The following RSBN1L variants were observed in gnomAD, a reference collection of about 807,000 sequenced individuals.
RSBN1L encodes lysine-specific demethylase RSBN1L.
A neutral mutation model predicts 67.7 loss-of-function variants in RSBN1L; 30 were observed. That is an observed-to-expected ratio of 0.44 (90% CI 0.33 to 0.60). The LOEUF is 0.60. Among genes scored for constraint, RSBN1L ranks in the 20% least tolerant of loss-of-function variants. The pLI, the probability that RSBN1L is intolerant of heterozygous loss-of-function variation, is 0.02. For synonymous variants in RSBN1L, 433 were observed against 387.0 expected, an observed-to-expected ratio of 1.12 and a Z score of -1.39; for missense variants, 992 against 1,031.7, an observed-to-expected ratio of 0.96 and a Z score of 0.53.
intron 2 of RSBN1L, among the ~76,000 whole-genome samples, chr7:77,738,484 G>A (rs1045782267): frequency 6.6e-6 from 1 of 152,166 alleles, no homozygotes; most frequent in African/African-American, 2.4e-5. Context: ...CACAGTGGAG[G>A]TAAGTAATAA....
At chr7:77,727,788 A>G (rs1273904665) in intron 1 of RSBN1L, among the ~76,000 whole-genome samples, 1 of 152,104 alleles carries the variant, frequency 6.6e-6, no homozygotes, top group Non-Finnish European at 1.5e-5. Flanking sequence ...TTTATAACCT[A>G]GCTTCTTTCC....
At position 77,748,362 on chromosome 7, in the gene RSBN1L, C is replaced by T. The variant is rs1482901904; in HGVS notation, c.704-1062C>T. 2.0e-5 allele frequency among the ~76,000 whole-genome samples: 3 copies of T among 152,106 alleles called. No individual in the cohort carries two copies. The East Asian group carries it at 5.8e-4, about 29-fold the overall frequency. On this transcript the variant is annotated intron_variant, in intron 2 of 7. Coordinates refer to ENST00000334955, the MANE Select transcript of RSBN1L (RefSeq NM_198467.3). ...GAAAAAATGACTTGAGTAAATATGACTGGATTTGATATTTCAACATTCTGG... is the reference window on the plus strand; with the variant it reads ...GAAAAAATGACTTGAGTAAATATGATTGGATTTGATATTTCAACATTCTGG...
chr7:77,764,442 C>T (rs1791736257), intron 3 of RSBN1L, among the ~76,000 whole-genome samples: 1 of 152,114 alleles, frequency 6.6e-6, no homozygotes, highest in African/African-American at 2.4e-5. Flanking sequence ...TTGAATGCCA[C>T]CCATTTGCTA....
intron 2 of RSBN1L, among the ~76,000 whole-genome samples, chr7:77,742,179 AAAT>A (rs1257081014): frequency 8.1e-6 from 1 of 122,906 alleles, no homozygotes; most frequent in Admixed American, 8.2e-5. Context: ...AAAAAAAAAA[AAAT>A]ACACACACAC....
chr7:77,697,936 G>C (rs998961855), intron 1 of RSBN1L, among the ~76,000 whole-genome samples: 1 of 152,146 alleles, frequency 6.6e-6, no homozygotes, highest in Admixed American at 6.6e-5. Flanking sequence ...TGCAACATAC[G>C]GACTAGTTGA....
intron 4 of RSBN1L, among the ~76,000 whole-genome samples, chr7:77,766,987 C>T (rs1477575320): frequency 1.3e-5 from 2 of 151,928 alleles, no homozygotes; most frequent in African/African-American, 2.4e-5. Flanking sequence ...AGCACATGAA[C>T]TAAATGCATT....
chr7:77,741,501 T>C (rs1422146044), intron 2 of RSBN1L, among the ~76,000 whole-genome samples: 1 of 150,786 alleles, frequency 6.6e-6, no homozygotes, highest in Non-Finnish European at 1.5e-5. Context: ...ACCATCCTGG[T>C]TAATGTGGTG....
chr7:77,742,940 A>G (rs758618215), intron 2 of RSBN1L, among the ~76,000 whole-genome samples: 1 of 152,230 alleles, frequency 6.6e-6, no homozygotes, highest in Non-Finnish European at 1.5e-5. Flanking sequence ...AAGAGTTCCT[A>G]GATGCTAGCC....
chr7:77,776,204 T>C (rs1562811732), intron 6 of RSBN1L, among the ~76,000 whole-genome samples: 2 of 151,932 alleles, frequency 1.3e-5, no homozygotes, highest in South Asian at 2.1e-4. Flanking sequence ...AACTTTAATA[T>C]TGGATTTGCC....
rs1387839396 is a variant in RSBN1L at position 77,696,772 on chromosome 7, G to T, written c.303G>T (p.Arg101=). The T allele has an allele frequency of 6.2e-7, 1 of 1,613,784 alleles. No homozygotes were observed. The change falls in exon 1 of 8, where the codon CGG becomes CGT. Residue 101 remains arginine, a synonymous_variant. Coordinates refer to ENST00000334955, the MANE Select transcript of RSBN1L (RefSeq NM_198467.3). ...LSAAPSPSSS[R]SSFSFSAGTA... is the part of the protein sequence containing the mutation. ...CTGCTCCCTCCCCGTCCTCTTCTCG[G>T]AGCAGTTTCTCTTTCTCCGCTGGCA... is the stretch of plus-strand genomic sequence containing the variant.
At chr7:77,706,269 G>A (rs1198344807) in intron 1 of RSBN1L, among the ~76,000 whole-genome samples, 1 of 151,998 alleles carries the variant, frequency 6.6e-6, no homozygotes, top group Non-Finnish European at 1.5e-5. Context: ...GTAGAGATGG[G>A]GTTTCACCAT....
intron 1 of RSBN1L, among the ~76,000 whole-genome samples, chr7:77,707,463 TTTGCA>T (rs1174944157): frequency 6.6e-6 from 1 of 152,238 alleles, no homozygotes; most frequent in Non-Finnish European, 1.5e-5. Context: ...ATCAGCCATC[TTTGCA>T]TTGCATATTT....
At chr7:77,723,803 G>A (rs1399890889) in intron 1 of RSBN1L, among the ~76,000 whole-genome samples, 2 of 152,104 alleles carry the variant, frequency 1.3e-5, no homozygotes, top group Non-Finnish European at 2.9e-5. Context: ...ACATGGTGGA[G>A]CATGCCTGTA....
At chr7:77,736,354 G>A in intron 1 of RSBN1L, 56 bp from the exon 2 acceptor site, 1 of 838,620 alleles carries the variant, frequency 1.2e-6, no homozygotes, top group Non-Finnish European at 1.6e-6. Flanking sequence ...AGTTTGTGCA[G>A]ATAAATGAAG....
intron 1 of RSBN1L, among the ~76,000 whole-genome samples, chr7:77,705,516 T>G (rs1423024155): frequency 6.9e-6 from 1 of 145,238 alleles, no homozygotes; most frequent in Non-Finnish European, 1.5e-5. Flanking sequence ...AATGGTTTTT[T>G]TTTTTTTTTT....
At chr7:77,728,755 A>G (rs11770446) in intron 1 of RSBN1L, among the ~76,000 whole-genome samples, 36,101 of 152,178 alleles carry the variant, frequency 0.24, 4,560 homozygotes, top group South Asian at 0.29. Context: ...TTTCTAATGT[A>G]AAACTTTTAG....
chr7:77,736,737 A>ATGGCTCACT (rs1791342178), intron 2 of RSBN1L, among the ~76,000 whole-genome samples: 4 of 152,194 alleles, frequency 2.6e-5, no homozygotes, highest in Non-Finnish European at 2.9e-5. Context: ...TAAAAAGTTA[A>ATGGCTCACT]AAGGTTAAGC....
intron 1 of RSBN1L, among the ~76,000 whole-genome samples, chr7:77,725,841 C>G (rs545734980): frequency 6.6e-6 from 1 of 152,100 alleles, no homozygotes; most frequent in South Asian, 2.1e-4. Context: ...CCGCCTGCCT[C>G]CCAAAGTGCT....
rs564638139 is a variant in RSBN1L, at chr7:77,720,567, A to G, written c.587-15843A>G. ...AGAGCGAAACTCCGTTAAAAAAAAA[A>G]TTGCAGAAGACAAGTGTTATTATCT... On this transcript the variant is annotated intron_variant, in intron 1 of 7. Transcript: ENST00000334955. Among the ~76,000 whole-genome samples the G allele has an allele frequency of 2.0e-5, 3 of 152,182 alleles. No homozygotes were observed. In the East Asian group the frequency reaches 5.8e-4, roughly 29 times the overall value.
Sources: allele counts gnomAD v4.1 joint callset (sites outside exome capture counted in the v4.1 genomes callset), GRCh38; gene constraint gnomAD v4.1.1; transcripts MANE v1.5; gene names NCBI Gene and HGNC (gene_info 2026-07-23, HGNC 2026-07-21).